Variants in UGT1A8 observed in about 807,000 individuals in gnomAD.
The protein encoded by UGT1A8 is UDP-glucuronosyltransferase 1A8.
Under a neutral mutation model 45.3 loss-of-function variants are expected in UGT1A8, and 39 were observed. The observed-to-expected ratio is 0.86, with a 90% CI of 0.67 to 1.12. The LOEUF (loss-of-function observed/expected upper bound fraction) is 1.12. UGT1A8 is among the 50% of genes most tolerant of loss of function. UGT1A8 has a pLI of 0.00. For synonymous variants in UGT1A8, 275 were observed against 249.2 expected (o/e 1.10, Z -0.97); for missense variants, 719 against 664.9 (o/e 1.08, Z -0.90).
chr2:233,667,534 G>C (rs868468469), intron 1 of UGT1A8, among the ~76,000 whole-genome samples: 1 of 152,142 alleles, frequency 6.6e-6, no homozygotes, highest in Non-Finnish European at 1.5e-5. Context: ...TGACAAATGG[G>C]ATCTCATTAA....
intron 1 of UGT1A8, chr2:233,671,779 CT>C (rs2074199192): frequency 2.1e-6 from 3 of 1,399,156 alleles, no homozygotes; most frequent in Middle Eastern, 2.1e-4. Context: ...TATTCTTGTT[CT>C]TTTGGGTAAA....
chr2:233,767,095 C>T lies in UGT1A8; in HGVS notation c.917C>T (p.Ser306Leu), dbSNP rs1301476253. The T allele has an allele frequency of 6.2e-7, 1 of 1,614,096 alleles. No homozygotes were observed. The highest frequency in any genetic ancestry group is 1.7e-5 in the Admixed American group (1 of 60,026). ...EHGIVVFSLG[S>L]MVSEIPEKKA... Reference sequence around the variant, plus strand: ...GGAATTGTGGTTTTCTCTTTGGGATCAATGGTCTCAGAAATTCCAGAGAAG... The same window carrying T: ...GGAATTGTGGTTTTCTCTTTGGGATTAATGGTCTCAGAAATTCCAGAGAAG... Residue 306 changes from serine (S) to leucine (L), a missense_variant, in exon 2 of 5, where the codon TCA (serine) becomes TTA (leucine). By Grantham distance (145) the Ser-to-Leu change is moderately radical (BLOSUM62 -2). Coordinates refer to ENST00000373450, the MANE Select transcript of UGT1A8 (RefSeq NM_019076.5).
chr2:233,675,743 T>C (rs1246714210), intron 1 of UGT1A8, among the ~76,000 whole-genome samples: 1 of 152,208 alleles, frequency 6.6e-6, no homozygotes, highest in Admixed American at 6.5e-5. Flanking sequence ...AATTCATCTA[T>C]CCCTTTATTC....
At chr2:233,640,745 C>T (rs1281999335) in intron 1 of UGT1A8, among the ~76,000 whole-genome samples, 2 of 152,094 alleles carry the variant, frequency 1.3e-5, no homozygotes. Context: ...TCCTGATAGG[C>T]CAACAATCTT....
chr2:233,704,550 A>C (rs6722836), intron 1 of UGT1A8, among the ~76,000 whole-genome samples: 2,672 of 152,284 alleles, frequency 0.018, 40 homozygotes, highest in South Asian at 0.042. Context: ...TGATAATATT[A>C]CTTTATATAA....
chr2:233,769,592 C>T lies in UGT1A8; in HGVS notation c.1295+1153C>T, dbSNP rs199786512. ...TGGAGCATGTTCAGATGAGAGGAGA[C>T]GGAACACGGGGACACACCAGCTTGA... On this transcript the variant is annotated intron_variant, in intron 4 of 4. Transcript: ENST00000373450. This position sits in a 1 kb window ranked among gnomAD's most constrained non-coding sequence, Gnocchi z 4.4. The T allele has an allele frequency of 1.8e-3, 2,836 of 1,612,822 alleles. 7 individuals carry two copies. The highest frequency in any genetic ancestry group is 2.6e-3 in the Middle Eastern group (16 of 6,052).
At chr2:233,626,978 AC>A (rs890164847) in intron 1 of UGT1A8, among the ~76,000 whole-genome samples, 1 of 152,042 alleles carries the variant, frequency 6.6e-6, no homozygotes, top group African/African-American at 2.4e-5. Context: ...TTGTTGTACA[AC>A]CAAAAAACTG....
At position 233,641,905 on chromosome 2, in the gene UGT1A8, A is replaced by G. The variant is rs547494268; in HGVS notation, c.855+23343A>G. Reference sequence around the variant, plus strand: ...ATTGGAACTCCATTGTTTGTTATTTATCTCTTCTCTTGCTGCTTTTAGAAT... The same window carrying G: ...ATTGGAACTCCATTGTTTGTTATTTGTCTCTTCTCTTGCTGCTTTTAGAAT... On this transcript the variant is annotated intron_variant, in intron 1 of 4. Coordinates refer to ENST00000373450, the MANE Select transcript of UGT1A8 (RefSeq NM_019076.5). Among the ~76,000 whole-genome samples, 39 of 152,072 alleles carry G rather than the reference A, an allele frequency of 2.6e-4. No homozygotes were observed. In the South Asian group the frequency reaches 7.7e-3, roughly 30 times the overall value.
At chr2:233,730,680 C>T (rs1218688522) in intron 1 of UGT1A8, among the ~76,000 whole-genome samples, 1 of 152,088 alleles carries the variant, frequency 6.6e-6, no homozygotes, top group African/African-American at 2.4e-5. Flanking sequence ...GTAATGGTTG[C>T]ATCTCAAATG....
intron 1 of UGT1A8, among the ~76,000 whole-genome samples, chr2:233,670,666 A>G (rs1484792303): frequency 6.6e-6 from 1 of 152,062 alleles, no homozygotes; most frequent in Non-Finnish European, 1.5e-5. Context: ...TGAATTTCTC[A>G]CAGATTCATA....
chr2:233,691,742 C>A, intron 1 of UGT1A8: 1 of 642,198 alleles, frequency 1.6e-6, no homozygotes, highest in Non-Finnish European at 1.9e-6. Flanking sequence ...AAGCAGATAC[C>A]AGGCTTTCTG....
At chr2:233,712,692 T>A (rs1221158170) in intron 1 of UGT1A8, among the ~76,000 whole-genome samples, 1 of 152,126 alleles carries the variant, frequency 6.6e-6, no homozygotes, top group Non-Finnish European at 1.5e-5. Context: ...AAATGGGGGT[T>A]CACAGCCTTG....
intron 1 of UGT1A8, among the ~76,000 whole-genome samples, chr2:233,701,757 C>T (rs1242415662): frequency 1.3e-5 from 2 of 152,062 alleles, no homozygotes; most frequent in African/African-American, 4.8e-5. Flanking sequence ...GGGTACATAA[C>T]GAAATGAAGG....
intron 1 of UGT1A8, chr2:233,747,685 G>C: frequency 1.2e-6 from 2 of 1,608,708 alleles, no homozygotes; most frequent in Non-Finnish European, 1.7e-6. Context: ...TACCTCTGTG[G>C]GGCAGTGCTG....
At chr2:233,622,235 G>C (rs923332254) in intron 1 of UGT1A8, among the ~76,000 whole-genome samples, 15 of 152,016 alleles carry the variant, frequency 9.9e-5, no homozygotes, top group Non-Finnish European at 2.2e-4. Context: ...TAATTCTTTG[G>C]GTATATACCC....
At chr2:233,677,167 A>G (rs1261255264) in intron 1 of UGT1A8, among the ~76,000 whole-genome samples, 2 of 152,192 alleles carry the variant, frequency 1.3e-5, no homozygotes, top group Admixed American at 6.5e-5. Flanking sequence ...TGAGTTTTCC[A>G]ATTCATTAAC....
chr2:233,710,987 A>G (rs532291825), intron 1 of UGT1A8, among the ~76,000 whole-genome samples: 1 of 152,344 alleles, frequency 6.6e-6, no homozygotes, highest in East Asian at 1.9e-4. Context: ...AATCATTCAG[A>G]TCAGGCTATT....
intron 1 of UGT1A8, among the ~76,000 whole-genome samples, chr2:233,677,766 T>G (rs2074399102): frequency 6.6e-6 from 1 of 152,104 alleles, no homozygotes; most frequent in South Asian, 2.1e-4. Flanking sequence ...GGAAGTAGTT[T>G]GGAGATTTTG....
At chr2:233,634,691 A>G (rs556311864) in intron 1 of UGT1A8, among the ~76,000 whole-genome samples, 40 of 140,498 alleles carry the variant, frequency 2.8e-4, no homozygotes, top group Middle Eastern at 3.6e-3. Context: ...TTGAGCCTAT[A>G]TGTCTTTACA....
Sources: gnomAD v4.1 joint callset for allele counts (sites outside exome capture counted in the v4.1 genomes callset) on GRCh38, gnomAD v4.1.1 for gene constraint, Gnocchi (gnomAD v3.1) non-coding constraint, MANE v1.5 for transcripts, NCBI Gene and HGNC (gene_info 2026-07-23, HGNC 2026-07-21) for gene names.